The following RANBP2 variants were observed in gnomAD, a reference collection of about 807,000 sequenced individuals.
RANBP2 encodes the protein RAN binding protein 2, also known as E3 SUMO-protein ligase RanBP2.
Under a neutral mutation model 303.6 loss-of-function variants are expected in RANBP2, and 57 were observed. The ratio of observed to expected loss-of-function variants is 0.19; its 90% CI spans 0.15 to 0.23. The LOEUF (loss-of-function observed/expected upper bound fraction) is 0.23. Ranked by LOEUF, RANBP2 falls within the 10% of genes least tolerant of loss-of-function variation. The pLI is 1.00. For synonymous variants in RANBP2, 1,167 were observed against 1,301.5 expected (o/e 0.90, Z 2.23); for missense variants, 3,138 against 3,780.8 (o/e 0.83, Z 4.46).
At chr2:108,794,797 TAATATATTTCATTTTAATTA>T in the RANBP2 span, 2 of 65,450 alleles carry the variant, frequency 3.1e-5, no homozygotes, top group East Asian at 3.0e-3. Flanking sequence ...AATTTGAATA[TAATATATTTCATTTTAATTA>T]CTTTAGATAA....
the RANBP2 span, among the ~76,000 whole-genome samples, chr2:109,465,232 A>C: frequency 2.0e-5 from 3 of 152,244 alleles, no homozygotes; most frequent in African/African-American, 7.2e-5. Flanking sequence ...ACCAAAGGAC[A>C]TCTTAGTTGC....
Position 108,742,039 on chromosome 2 carries a change from C to T in RANBP2, c.975+1358C>T, listed in dbSNP as rs1480477876. ...GAGACGGGGTTTTGCTCTTGTTGCCCAGGCTGGAGTGCAGTGGCGCGATCT... is the reference window on the plus strand; with the variant it reads ...GAGACGGGGTTTTGCTCTTGTTGCCTAGGCTGGAGTGCAGTGGCGCGATCT... On this transcript the variant is annotated intron_variant, in intron 7 of 28. Coordinates refer to ENST00000283195, the MANE Select transcript of RANBP2 (RefSeq NM_006267.5). Among the ~76,000 whole-genome samples the T allele has an allele frequency of 5.9e-5, 9 of 152,070 alleles. No homozygotes were observed. In the South Asian group the frequency reaches 1.7e-3, roughly 28 times the overall value.
At chr2:109,191,026 A>G in the RANBP2 span, among the ~76,000 whole-genome samples, 15 of 151,750 alleles carry the variant, frequency 9.9e-5, no homozygotes, top group African/African-American at 3.6e-4. Context: ...CAGAGAGTAA[A>G]TATTTCAGGC....
intron 1 of RANBP2, among the ~76,000 whole-genome samples, chr2:108,727,550 A>G (rs1441497493): frequency 6.6e-6 from 1 of 150,656 alleles, no homozygotes; most frequent in African/African-American, 2.4e-5. Flanking sequence ...AAGATGTTTG[A>G]GTAGCTGTAT....
At chr2:109,532,383 A>G in the RANBP2 span, among the ~76,000 whole-genome samples, 3 of 152,286 alleles carry the variant, frequency 2.0e-5, no homozygotes, top group Admixed American at 6.5e-5. Flanking sequence ...TTTTTGTTCA[A>G]ATTAAATCTT....
chr2:109,349,679 C>G, the RANBP2 span, among the ~76,000 whole-genome samples: 1 of 152,234 alleles, frequency 6.6e-6, no homozygotes, highest in Non-Finnish European at 1.5e-5. Flanking sequence ...AGGCCCTCCT[C>G]CAGGGGCCTC....
At chr2:109,569,027 T>C in the RANBP2 span, among the ~76,000 whole-genome samples, 5 of 152,312 alleles carry the variant, frequency 3.3e-5, no homozygotes, top group African/African-American at 1.2e-4. Context: ...CTCCACAAAT[T>C]TGTGACTGGT....
chr2:109,498,921 C>T, the RANBP2 span, among the ~76,000 whole-genome samples: 1 of 152,280 alleles, frequency 6.6e-6, no homozygotes, highest in South Asian at 2.1e-4. Context: ...GGTGGGTGCA[C>T]CTGGGGTCGC....
chr2:108,916,866 G>A, the RANBP2 span, among the ~76,000 whole-genome samples: 1 of 152,180 alleles, frequency 6.6e-6, no homozygotes, highest in Non-Finnish European at 1.5e-5. Flanking sequence ...CATCTGCAGG[G>A]AGACACTTCT....
chr2:109,281,495 G>C, the RANBP2 span, among the ~76,000 whole-genome samples: 1 of 152,186 alleles, frequency 6.6e-6, no homozygotes, highest in Non-Finnish European at 1.5e-5. Flanking sequence ...TTCTGACTCT[G>C]TGGGTGCCTT....
At chr2:108,931,147 C>G in the RANBP2 span, 1 of 817,670 alleles carries the variant, frequency 1.2e-6, no homozygotes, top group Non-Finnish European at 2.1e-6. Context: ...AGAGGGGAAA[C>G]TATACATCCT....
chr2:109,624,272 T>C, the RANBP2 span, among the ~76,000 whole-genome samples: 5 of 152,102 alleles, frequency 3.3e-5, no homozygotes, highest in African/African-American at 1.2e-4. Context: ...GCCTGAGAAA[T>C]TGATTCAGAA....
At chr2:109,550,297 C>CA in the RANBP2 span, among the ~76,000 whole-genome samples, 77 of 148,674 alleles carry the variant, frequency 5.2e-4, no homozygotes, top group African/African-American at 4.9e-4. Flanking sequence ...TCTCAAAAAA[C>CA]AAAAAAAAAG....
chr2:109,021,464 A>T, the RANBP2 span, among the ~76,000 whole-genome samples: 1 of 149,324 alleles, frequency 6.7e-6, no homozygotes, highest in Non-Finnish European at 1.5e-5. Flanking sequence ...CGGAGCTTTC[A>T]GTGAGCCGAG....
At chr2:108,799,879 C>T in the RANBP2 span, among the ~76,000 whole-genome samples, 140 of 152,082 alleles carry the variant, frequency 9.2e-4, no homozygotes, top group African/African-American at 3.0e-3. Context: ...CTTTTTTAAT[C>T]TCCATGTTGC....
the RANBP2 span, among the ~76,000 whole-genome samples, chr2:109,488,178 T>G: frequency 6.6e-6 from 1 of 152,322 alleles, no homozygotes; most frequent in East Asian, 1.9e-4. Flanking sequence ...GCTGTCCTTG[T>G]GACCTAGGGA....
chr2:109,286,102 G>T, the RANBP2 span, among the ~76,000 whole-genome samples: 1 of 152,206 alleles, frequency 6.6e-6, no homozygotes, highest in Non-Finnish European at 1.5e-5. Context: ...CATGGCAGTA[G>T]GAAGGTGCTT....
the RANBP2 span, among the ~76,000 whole-genome samples, chr2:109,760,716 A>G: frequency 2.1e-5 from 3 of 145,124 alleles, no homozygotes; most frequent in African/African-American, 7.4e-5. Flanking sequence ...GACACCTCCC[A>G]CCATGGACAG....
At chr2:108,945,053 CA>C in the RANBP2 span, among the ~76,000 whole-genome samples, 1 of 152,174 alleles carries the variant, frequency 6.6e-6, no homozygotes, top group Non-Finnish European at 1.5e-5. Context: ...TTGCATTGTA[CA>C]GTCTGGTGCT....
Sources: allele counts gnomAD v4.1 joint callset (sites outside exome capture counted in the v4.1 genomes callset), GRCh38; gene constraint gnomAD v4.1.1; transcripts MANE v1.5; gene names NCBI Gene and HGNC (gene_info 2026-07-23, HGNC 2026-07-21).